The following KIF6 variants were observed in gnomAD, a reference collection of about 807,000 sequenced individuals.
KIF6 encodes the protein kinesin family member 6, also known as kinesin-like protein KIF6.
Under a neutral mutation model 112.7 loss-of-function variants are expected in KIF6, and 106 were observed. That is an observed-to-expected ratio of 0.94 (90% CI 0.80 to 1.11). The LOEUF (loss-of-function observed/expected upper bound fraction) is 1.11, where lower values mean the gene tolerates loss of function less well. Among genes scored for constraint, KIF6 ranks in the 50% least tolerant of loss-of-function variants. The pLI is 0.00. For synonymous variants in KIF6, 339 were observed against 339.9 expected (o/e 1.00, Z 0.03); for missense variants, 929 against 964.0 (o/e 0.96, Z 0.48).
chr6:39,697,890 A>G (rs889144233), intron 3 of KIF6, among the ~76,000 whole-genome samples: 5 of 152,190 alleles, frequency 3.3e-5, no homozygotes, highest in Admixed American at 2.0e-4. Context: ...GTTCACTGGC[A>G]TATTAAGGAT....
At chr6:39,570,497 C>T (rs1467048071) in intron 10 of KIF6, among the ~76,000 whole-genome samples, 1 of 152,148 alleles carries the variant, frequency 6.6e-6, no homozygotes, top group Non-Finnish European at 1.5e-5. Flanking sequence ...AGTTGGCAAT[C>T]CACCTATAGT....
chr6:39,534,997 C>T (rs997102524), intron 13 of KIF6, among the ~76,000 whole-genome samples: 3 of 152,192 alleles, frequency 2.0e-5, no homozygotes, highest in African/African-American at 7.2e-5. Flanking sequence ...AAATACTTTA[C>T]AGACAAGCAA....
At chr6:39,509,932 GATTCACCAA>G (rs1776668598) in intron 13 of KIF6, among the ~76,000 whole-genome samples, 1 of 152,132 alleles carries the variant, frequency 6.6e-6, no homozygotes, top group Non-Finnish European at 1.5e-5. Flanking sequence ...ATAATTGTCA[GATTCACCAA>G]GGCTGAAATG....
At chr6:39,695,117 T>C (rs1005505118) in intron 3 of KIF6, among the ~76,000 whole-genome samples, 1 of 152,076 alleles carries the variant, frequency 6.6e-6, no homozygotes, top group Non-Finnish European at 1.5e-5. Flanking sequence ...GCTAACCATA[T>C]GAAAAAGAAT....
intron 12 of KIF6, among the ~76,000 whole-genome samples, chr6:39,541,336 C>A (rs993661746): frequency 2.6e-5 from 4 of 152,210 alleles, no homozygotes; most frequent in African/African-American, 9.7e-5. Flanking sequence ...TGCCCCAAAA[C>A]AACATGTACT....
chr6:39,706,638 T>C (rs574841077), intron 3 of KIF6, among the ~76,000 whole-genome samples: 7 of 152,352 alleles, frequency 4.6e-5, no homozygotes, highest in Admixed American at 4.6e-4. Context: ...AAATTCAGCA[T>C]AGCAGCAAGT....
At chr6:39,387,960 G>C (rs115793034) in intron 15 of KIF6, among the ~76,000 whole-genome samples, 153 of 152,252 alleles carry the variant, frequency 1.0e-3, no homozygotes, top group African/African-American at 3.6e-3. Flanking sequence ...TTGGTGCCCT[G>C]CCTGTTTCCT....
intron 13 of KIF6, among the ~76,000 whole-genome samples, chr6:39,497,112 G>A (rs1362205583): frequency 6.6e-6 from 1 of 152,224 alleles, no homozygotes; most frequent in African/African-American, 2.4e-5. Flanking sequence ...GTGGAAAACT[G>A]CTCGTTCTAC....
At chr6:39,419,460 G>A (rs370289249) in intron 15 of KIF6, among the ~76,000 whole-genome samples, 8 of 151,734 alleles carry the variant, frequency 5.3e-5, no homozygotes, top group South Asian at 2.1e-4. Context: ...GGAGCCCTCC[G>A]TGGCAGCCTC....
intron 3 of KIF6, among the ~76,000 whole-genome samples, chr6:39,681,415 T>A (rs945743692): frequency 2.6e-5 from 4 of 152,194 alleles, no homozygotes; most frequent in Admixed American, 2.0e-4. Flanking sequence ...AAACAGCACC[T>A]GAGGATGTAG....
At chr6:39,365,925 C>G (rs549114093) in intron 16 of KIF6, among the ~76,000 whole-genome samples, 25 of 152,330 alleles carry the variant, frequency 1.6e-4, no homozygotes, top group Admixed American at 1.2e-3. Flanking sequence ...GTAGGGGGGA[C>G]GGCCAGGGCG....
At chr6:39,679,614 CTTTT>C (rs55936243) in intron 3 of KIF6, among the ~76,000 whole-genome samples, 7 of 106,500 alleles carry the variant, frequency 6.6e-5, no homozygotes, top group African/African-American at 1.0e-4. Context: ...CTTTTCTTTT[CTTTT>C]TTTTTTTTTT....
intron 15 of KIF6, among the ~76,000 whole-genome samples, chr6:39,419,311 G>A (rs551533867): frequency 2.9e-4 from 37 of 127,776 alleles, no homozygotes; most frequent in African/African-American, 9.4e-4. Context: ...CTGAGATCAC[G>A]CCACTGCACT....
At chr6:39,392,615 T>C (rs542408950) in intron 15 of KIF6, among the ~76,000 whole-genome samples, 53 of 152,174 alleles carry the variant, frequency 3.5e-4, no homozygotes, top group Non-Finnish European at 7.5e-4. Flanking sequence ...AAATTAGTCA[T>C]TGAAACAAAT....
intron 13 of KIF6, among the ~76,000 whole-genome samples, chr6:39,510,258 C>G (rs61342855): frequency 0.1 from 15,326 of 151,792 alleles, 902 homozygotes; most frequent in Middle Eastern, 0.16. Flanking sequence ...ACGCCTGGCT[C>G]ATTTTTTGTA....
In KIF6 at chr6:39,362,476, T is replaced by A. The variant is rs1562132906; in HGVS notation, c.1904A>T (p.Gln635Leu). Residue 635 changes from glutamine to leucine, a missense_variant, in exon 17 of 23, where the codon CAG becomes CTG. Physicochemically the swap from Gln to Leu is moderately radical, Grantham distance 113 (BLOSUM62 -2). Transcript: ENST00000287152. ...CAGTTGTGATCGCAGCTTCTCCTCCTGCTGGTCTGGCATCAGAGGCACGGC... is the reference window on the plus strand; with the variant it reads ...CAGTTGTGATCGCAGCTTCTCCTCCAGCTGGTCTGGCATCAGAGGCACGGC... ...NMAVPLMPDQ[Q>L]EEKLRSQLEE... 6.2e-7 allele frequency: 1 copy of A among 1,614,146 alleles called. No homozygotes were observed. The highest frequency in any genetic ancestry group is 2.2e-5 in the East Asian group (1 of 44,880).
rs146725669 is a variant in KIF6, at chr6:39,532,894, A to T, written c.1645+7109T>A. On this transcript the variant is annotated intron_variant, in intron 13 of 22. Coordinates refer to ENST00000287152, the MANE Select transcript of KIF6 (RefSeq NM_145027.6). ...TGGTTCCTCAATGTGTTTAAGGGAA[A>T]GGCATCAGTCACCTGAGTGCACATC... Among the ~76,000 whole-genome samples, 9 of 152,340 alleles carry T rather than the reference A, an allele frequency of 5.9e-5. No homozygotes were observed. The East Asian group carries it at 1.7e-3, about 29-fold the overall frequency.
At chr6:39,615,250 C>CA (rs763834667) in intron 5 of KIF6, among the ~76,000 whole-genome samples, 2 of 151,746 alleles carry the variant, frequency 1.3e-5, no homozygotes, top group African/African-American at 2.4e-5. Flanking sequence ...AGCATGAAGT[C>CA]AAAAACGAAT....
chr6:39,605,328 C>T (rs543462191), intron 6 of KIF6, among the ~76,000 whole-genome samples: 35 of 151,808 alleles, frequency 2.3e-4, no homozygotes, highest in Admixed American at 2.3e-3. Context: ...TTTTTCTCTT[C>T]CTATTAAAAT....
Sources: allele counts gnomAD v4.1 joint callset (sites outside exome capture counted in the v4.1 genomes callset), GRCh38; gene constraint gnomAD v4.1.1; transcripts MANE v1.5; gene names NCBI Gene and HGNC (gene_info 2026-07-23, HGNC 2026-07-21).